PXDNL: variants seen among roughly 807,000 people sequenced by gnomAD.
PXDNL encodes the protein probable oxidoreductase PXDNL.
A neutral mutation model predicts 150.8 loss-of-function variants in PXDNL; 145 were observed. The observed-to-expected ratio is 0.96, with a 90% CI of 0.84 to 1.10. The LOEUF is 1.10. Ranked by LOEUF, PXDNL falls within the 50% of genes least tolerant of loss-of-function variation. The pLI is 0.00. For missense variants in PXDNL, 2,087 were observed against 1,873.9 expected, an observed-to-expected ratio of 1.11 and a Z score of -2.10; for synonymous variants, 757 against 725.7, an observed-to-expected ratio of 1.04 and a Z score of -0.69.
At chr8:51,393,439 G>A (rs778578371) in intron 17 of PXDNL, among the ~76,000 whole-genome samples, 26 of 152,208 alleles carry the variant, frequency 1.7e-4, no homozygotes, top group Non-Finnish European at 3.7e-4. Context: ...GTAACACCAT[G>A]GTCTGACATC....
chr8:51,389,050 T>G (rs1807813414), intron 17 of PXDNL, among the ~76,000 whole-genome samples: 1 of 152,218 alleles, frequency 6.6e-6, no homozygotes, highest in Admixed American at 6.5e-5. Context: ...TTGTTGCTTT[T>G]CATTTATTCT....
chr8:51,474,979 G>C lies in PXDNL; in HGVS notation c.687C>G (p.Phe229Leu). The C allele has an allele frequency of 6.3e-7, 1 of 1,593,996 alleles. No individual in the cohort carries two copies. The highest frequency in any genetic ancestry group is 8.6e-7 in the Non-Finnish European group (1 of 1,169,492). Residue 229 changes from phenylalanine to leucine, a missense_variant, in exon 7 of 23, where the codon TTC becomes TTG. Transcript: ENST00000356297. ...RAVASVTVEE[F>L]NCQSPRITFE... ...ACATTGAAATTTACGTACGGCAATT[G>C]AATTCCTCTACTGTTACTGAAGCAA...
intron 19 of PXDNL, among the ~76,000 whole-genome samples, chr8:51,361,501 A>C (rs186064269): frequency 1.5e-3 from 225 of 152,308 alleles, no homozygotes; most frequent in Non-Finnish European, 2.1e-3. Flanking sequence ...GTTTCTAAAG[A>C]ACTGAATAAT....
At chr8:51,338,436 A>G (rs7846115) in intron 21 of PXDNL, among the ~76,000 whole-genome samples, 34,066 of 152,120 alleles carry the variant, frequency 0.22, 3,935 homozygotes, top group Middle Eastern at 0.3. Context: ...CTGTTCTAGA[A>G]TCTCTTTGGA....
chr8:51,646,636 A>G (rs565492074), intron 2 of PXDNL, among the ~76,000 whole-genome samples: 1 of 152,284 alleles, frequency 6.6e-6, no homozygotes, highest in South Asian at 2.1e-4. Flanking sequence ...AGGAAAGCAC[A>G]CAGATAGAAT....
At chr8:51,685,870 C>T (rs980053055) in intron 1 of PXDNL, among the ~76,000 whole-genome samples, 1 of 152,012 alleles carries the variant, frequency 6.6e-6, no homozygotes, top group Non-Finnish European at 1.5e-5. Flanking sequence ...TTACGTTTTC[C>T]ATTACATTTT....
At chr8:51,449,885 A>G (rs1028190722) in intron 10 of PXDNL, among the ~76,000 whole-genome samples, 5 of 152,252 alleles carry the variant, frequency 3.3e-5, no homozygotes, top group African/African-American at 7.2e-5. Context: ...GCAAAAAAGA[A>G]TATGAGGCAA....
chr8:51,591,562 A>T (rs924416663), intron 3 of PXDNL, among the ~76,000 whole-genome samples: 2 of 139,942 alleles, frequency 1.4e-5, no homozygotes, highest in African/African-American at 5.0e-5. Context: ...ACTTTTTAGC[A>T]GTATGCTTAA....
At chr8:51,503,903 C>T (rs565200991) in intron 4 of PXDNL, among the ~76,000 whole-genome samples, 2 of 152,288 alleles carry the variant, frequency 1.3e-5, no homozygotes, top group African/African-American at 2.4e-5. Flanking sequence ...AAAATATCAT[C>T]TAGATGTCTC....
intron 1 of PXDNL, among the ~76,000 whole-genome samples, chr8:51,729,658 T>C (rs1816880344): frequency 1.3e-5 from 2 of 152,192 alleles, no homozygotes; most frequent in Non-Finnish European, 2.9e-5. Context: ...TTTACTCAAA[T>C]AGAGGAAATC....
At chr8:51,364,189 C>T (rs995008391) in intron 19 of PXDNL, among the ~76,000 whole-genome samples, 4 of 152,178 alleles carry the variant, frequency 2.6e-5, no homozygotes, top group African/African-American at 9.7e-5. Flanking sequence ...GTAAAGAAAG[C>T]TTTACATGGT....
chr8:51,612,250 C>T (rs1229409023), intron 2 of PXDNL, among the ~76,000 whole-genome samples: 6 of 152,138 alleles, frequency 3.9e-5, no homozygotes, highest in East Asian at 1.9e-4. Context: ...TTCTGTAGGG[C>T]CTGCTTCCTT....
At chr8:51,795,415 AT>A (rs761274069) in intron 1 of PXDNL, among the ~76,000 whole-genome samples, 3 of 152,230 alleles carry the variant, frequency 2.0e-5, no homozygotes, top group Non-Finnish European at 4.4e-5. Flanking sequence ...TCCACAGCAA[AT>A]GCAAAATAAC....
chr8:51,499,029 G>A (rs576574194), intron 5 of PXDNL, among the ~76,000 whole-genome samples: 8 of 152,228 alleles, frequency 5.3e-5, no homozygotes, highest in South Asian at 2.1e-4. Flanking sequence ...CTTCTGGTGC[G>A]TACATATGTG....
At chr8:51,410,806 CA>C (rs1267440028) in intron 16 of PXDNL, among the ~76,000 whole-genome samples, 1 of 151,618 alleles carries the variant, frequency 6.6e-6, no homozygotes, top group Non-Finnish European at 1.5e-5. Context: ...ACAACAACAA[CA>C]AAAAAACAAA....
At chr8:51,556,311 T>A (rs1812599268) in intron 4 of PXDNL, among the ~76,000 whole-genome samples, 1 of 152,050 alleles carries the variant, frequency 6.6e-6, no homozygotes, top group South Asian at 2.1e-4. Flanking sequence ...ACTCATAATT[T>A]GGGGCAAATC....
chr8:51,606,457 A>G (rs572978429), intron 2 of PXDNL, among the ~76,000 whole-genome samples: 1 of 152,328 alleles, frequency 6.6e-6, no homozygotes, highest in East Asian at 1.9e-4. Context: ...AAGGCAAAAT[A>G]CAATTAACCT....
At position 51,426,689 on chromosome 8, in the gene PXDNL, C is replaced by A; in HGVS notation, c.1595G>T (p.Cys532Phe). ...VEVGKNINIS[C>F]HAQGEPQPII... ...GGGCTGTGGTTCTCCTTGAGCATGACATGAAATGTTTATATTCTTTCCAAC... is the reference window on the plus strand; with the variant it reads ...GGGCTGTGGTTCTCCTTGAGCATGAAATGAAATGTTTATATTCTTTCCAAC... Residue 532 changes from cysteine to phenylalanine, a missense_variant, in exon 13 of 23, where the codon TGT becomes TTT. Transcript: ENST00000356297. 6.2e-7 allele frequency: 1 copy of A among 1,608,604 alleles called. No individual in the cohort carries two copies. The highest frequency in any genetic ancestry group is 8.5e-7 in the Non-Finnish European group (1 of 1,176,778).
At chr8:51,684,292 G>A (rs1001495080) in intron 1 of PXDNL, among the ~76,000 whole-genome samples, 6 of 152,344 alleles carry the variant, frequency 3.9e-5, no homozygotes, top group Non-Finnish European at 4.4e-5. Flanking sequence ...GTCTGATTAA[G>A]TATTCCATCG....
Sources: allele counts gnomAD v4.1 joint callset (sites outside exome capture counted in the v4.1 genomes callset), GRCh38; gene constraint gnomAD v4.1.1; transcripts MANE v1.5; gene names NCBI Gene and HGNC (gene_info 2026-07-23, HGNC 2026-07-21).